OSBPL10: variants seen among roughly 807,000 people sequenced by gnomAD.
The protein encoded by OSBPL10 is oxysterol-binding protein-related protein 10.
A neutral mutation model predicts 81.7 loss-of-function variants in OSBPL10; 49 were observed. The observed-to-expected ratio is 0.60, with a 90% CI of 0.48 to 0.76. The LOEUF is 0.76. Ranked by LOEUF, OSBPL10 falls within the 30% of genes least tolerant of loss-of-function variation. The pLI is 0.00. For synonymous variants in OSBPL10, 419 were observed against 383.6 expected, an observed-to-expected ratio of 1.09 and a Z score of -1.08; for missense variants, 923 against 987.8, an observed-to-expected ratio of 0.93 and a Z score of 0.88.
At chr3:31,869,734 T>C (rs1164950537) in intron 3 of OSBPL10, among the ~76,000 whole-genome samples, 1 of 152,218 alleles carries the variant, frequency 6.6e-6, no homozygotes, top group Non-Finnish European at 1.5e-5. Flanking sequence ...TTAACAGTTG[T>C]GTAACTTTCA....
intron 3 of OSBPL10, among the ~76,000 whole-genome samples, chr3:31,850,701 C>G (rs1452626494): frequency 6.6e-6 from 1 of 152,248 alleles, no homozygotes; most frequent in African/African-American, 2.4e-5. Flanking sequence ...TATTCGTCAT[C>G]ATGCCATCAT....
Position 31,830,089 on chromosome 3 carries a change from G to T in OSBPL10, c.680C>A (p.Ala227Asp). 6.2e-7 allele frequency: 1 copy of T among 1,614,078 alleles called. No homozygotes were observed. Among genetic ancestry groups the T allele is most frequent in the East Asian group, 2.2e-5 (1 of 44,862 alleles). Reference sequence around the variant, plus strand: ...GGAATACTGACTCTTGGCTCTTCGGGCGGCTGCAGGCGACTTGTGATGCGT... The same window carrying T: ...GGAATACTGACTCTTGGCTCTTCGGTCGGCTGCAGGCGACTTGTGATGCGT... Reference protein sequence around the residue: ...TITHHKSPAAARRAKSQYSGQ... With the variant: ...TITHHKSPAADRRAKSQYSGQ... Residue 227 changes from alanine (A) to aspartate (D), a missense_variant, in exon 4 of 12, where the codon GCC becomes GAC. Ala to Asp is a moderately radical substitution (Grantham distance 126, BLOSUM62 -2). This residue lies in a region of OSBPL10 where 514 missense variants were observed against 508.0 expected (regional missense o/e 1.01). Coordinates refer to ENST00000396556, the MANE Select transcript of OSBPL10 (RefSeq NM_017784.5).
chr3:31,905,368 T>TTTA (rs869077578), intron 1 of OSBPL10, among the ~76,000 whole-genome samples: 7 of 148,290 alleles, frequency 4.7e-5, no homozygotes, highest in African/African-American at 1.8e-4. Context: ...TTTTTTTTTT[T>TTTA]AGACGGACTC....
intron 4 of OSBPL10, among the ~76,000 whole-genome samples, chr3:31,784,131 G>T (rs559226068): frequency 4.0e-5 from 6 of 151,428 alleles, no homozygotes; most frequent in Non-Finnish European, 8.8e-5. Context: ...TTGAGGTCAG[G>T]AGTTCAAGAC....
At chr3:31,847,825 T>A (rs1012622171) in intron 3 of OSBPL10, among the ~76,000 whole-genome samples, 1 of 152,108 alleles carries the variant, frequency 6.6e-6, no homozygotes, top group African/African-American at 2.4e-5. Flanking sequence ...TATTACACCT[T>A]CCAAGGCTGG....
At chr3:31,687,205 A>G (rs529904092) in intron 7 of OSBPL10, among the ~76,000 whole-genome samples, 4 of 152,158 alleles carry the variant, frequency 2.6e-5, no homozygotes, top group Non-Finnish European at 5.9e-5. Flanking sequence ...CACTGAGGCC[A>G]TCAGCCCTGA....
Position 31,899,130 on chromosome 3 carries a change from C to T in OSBPL10, c.282-19300G>A, listed in dbSNP as rs578110471. ...GCTAATTTTTGTATTTTAGTAGAGA[C>T]GGGGTTTCACCGTGTTGCCCAGGCT... On this transcript the variant is annotated intron_variant, in intron 1 of 11. Coordinates refer to ENST00000396556, the MANE Select transcript of OSBPL10 (RefSeq NM_017784.5). 5.9e-5 allele frequency among the ~76,000 whole-genome samples: 9 copies of T among 151,838 alleles called. No homozygotes were observed. In the South Asian group the frequency reaches 8.3e-4, roughly 14 times the overall value.
intron 1 of OSBPL10, among the ~76,000 whole-genome samples, chr3:31,928,740 G>T (rs1697150412): frequency 6.9e-6 from 1 of 144,838 alleles, no homozygotes; most frequent in African/African-American, 2.6e-5. Context: ...ACTCCAGTCT[G>T]GGCGACAGTG....
intron 7 of OSBPL10, among the ~76,000 whole-genome samples, chr3:31,692,552 C>T (rs1361406016): frequency 6.6e-6 from 1 of 151,844 alleles, no homozygotes; most frequent in East Asian, 1.9e-4. Context: ...TCTGACACTT[C>T]TGTAAACAAT....
At chr3:31,930,084 C>T (rs1385043480) in intron 1 of OSBPL10, among the ~76,000 whole-genome samples, 1 of 149,988 alleles carries the variant, frequency 6.7e-6, no homozygotes, top group Non-Finnish European at 1.5e-5. Context: ...GGCAGGGGAT[C>T]ACTTGAGCAC....
intron 4 of OSBPL10, among the ~76,000 whole-genome samples, chr3:31,817,253 C>A (rs989521873): frequency 1.3e-5 from 2 of 152,216 alleles, no homozygotes; most frequent in Non-Finnish European, 1.5e-5. Context: ...GGCCTGCCCC[C>A]CTTCTAGCAG....
intron 4 of OSBPL10, among the ~76,000 whole-genome samples, chr3:31,802,637 T>A (rs186330257): frequency 6.6e-6 from 1 of 151,650 alleles, no homozygotes; most frequent in African/African-American, 2.4e-5. Context: ...TTAATTCCCC[T>A]TCTTTTCAAC....
intron 2 of OSBPL10, 116 bp downstream of exon 2, chr3:31,879,539 T>C: frequency 8.8e-7 from 1 of 1,133,906 alleles, no homozygotes; most frequent in Non-Finnish European, 1.2e-6. Context: ...CACAGAGTCC[T>C]CCAAACACAG....
At chr3:31,938,133 T>C (rs960133215) in intron 1 of OSBPL10, among the ~76,000 whole-genome samples, 2 of 152,136 alleles carry the variant, frequency 1.3e-5, no homozygotes, top group African/African-American at 4.8e-5. Context: ...TCATGCCACC[T>C]CTCCCACCAC....
In OSBPL10 at chr3:31,662,256, C is replaced by T. The variant is rs77278485; in HGVS notation, c.2251-140G>A. ...AGGCCAGGCTGCTGGCCTCAGTACCCCTCCTCAGCCCAGCTGCTCTTTGGA... is the reference window on the plus strand; with the variant it reads ...AGGCCAGGCTGCTGGCCTCAGTACCTCTCCTCAGCCCAGCTGCTCTTTGGA... On this transcript the variant is annotated intron_variant, in intron 11 of 11. Coordinates refer to ENST00000396556, the MANE Select transcript of OSBPL10 (RefSeq NM_017784.5). The T allele has an allele frequency of 4.1e-3, 6,029 of 1,454,696 alleles. 199 individuals are homozygous for T. The African/African-American group carries it at 0.072, about 17-fold the overall frequency. 90.1% of individuals were successfully genotyped at this position (1,454,696 alleles called of 1,614,324 possible). A position where few individuals can be genotyped will look rare whatever the true frequency, so the allele number is the denominator to read the frequency against.
At chr3:31,757,144 T>A (rs1697911201) in intron 4 of OSBPL10, among the ~76,000 whole-genome samples, 1 of 152,248 alleles carries the variant, frequency 6.6e-6, no homozygotes, top group South Asian at 2.1e-4. Context: ...TATATTTTTA[T>A]GATTGAAATG....
intron 1 of OSBPL10, among the ~76,000 whole-genome samples, chr3:31,895,181 T>A (rs974612751): frequency 1.4e-5 from 2 of 147,930 alleles, no homozygotes; most frequent in Non-Finnish European, 3.0e-5. Flanking sequence ...TCGCCCAGGC[T>A]GGAGTGCAGT....
intron 5 of OSBPL10, among the ~76,000 whole-genome samples, chr3:31,745,670 T>C (rs555438238): frequency 6.6e-6 from 1 of 152,290 alleles, no homozygotes; most frequent in South Asian, 2.1e-4. Context: ...TTCTGCCACT[T>C]AGCTGGGTGG....
chr3:31,829,979 G>C (rs966429786), intron 4 of OSBPL10, 61 bp downstream of exon 4: 2 of 1,478,566 alleles, frequency 1.4e-6, no homozygotes, highest in African/African-American at 2.8e-5. Context: ...AGTCGGCAGA[G>C]CGACTGTCAC....
Sources: gnomAD v4.1 joint callset for allele counts (sites outside exome capture counted in the v4.1 genomes callset) on GRCh38, gnomAD v4.1.1 for gene constraint, gnomAD v4.1.1 regional missense constraint, MANE v1.5 for transcripts, NCBI Gene and HGNC (gene_info 2026-07-23, HGNC 2026-07-21) for gene names.